Variants in RBFOX1 observed in about 807,000 individuals in gnomAD.
The protein encoded by RBFOX1 is RNA binding protein fox-1 homolog 1.
RBFOX1 carries 8 observed loss-of-function variants against 57.7 expected under a neutral mutation model. The ratio of observed to expected loss-of-function variants is 0.14; its 90% CI spans 0.08 to 0.25. The LOEUF (loss-of-function observed/expected upper bound fraction) is 0.25. Ranked by LOEUF, RBFOX1 falls within the 10% of genes least tolerant of loss-of-function variation. The pLI is 1.00. For missense variants in RBFOX1, 611 were observed against 548.5 expected, an observed-to-expected ratio of 1.11 and a Z score of -1.14; for synonymous variants, 326 against 222.4, an observed-to-expected ratio of 1.47 and a Z score of -4.15.
At chr16:6,688,493 T>C (rs2059763437) in intron 3 of RBFOX1, among the ~76,000 whole-genome samples, 1 of 152,128 alleles carries the variant, frequency 6.6e-6, no homozygotes, top group South Asian at 2.1e-4. Flanking sequence ...TTTCATTTTC[T>C]CCATATAAGA....
At chr16:6,778,014 T>G (rs1392468103) in intron 3 of RBFOX1, among the ~76,000 whole-genome samples, 1 of 152,120 alleles carries the variant, frequency 6.6e-6, no homozygotes, top group African/African-American at 2.4e-5. Context: ...ACATTTATGC[T>G]CCATGTGTGA....
intron 3 of RBFOX1, among the ~76,000 whole-genome samples, chr16:5,738,329 A>G (rs2052652576): frequency 6.6e-6 from 1 of 152,014 alleles, no homozygotes; most frequent in South Asian, 2.1e-4. Flanking sequence ...TTCTTTAAAA[A>G]GTAAATCTAA....
At chr16:6,860,688 C>T (rs528728474) in intron 3 of RBFOX1, among the ~76,000 whole-genome samples, 65 of 152,242 alleles carry the variant, frequency 4.3e-4, no homozygotes, top group African/African-American at 1.4e-3. Context: ...TAGCAAAAGT[C>T]ATGTCTGGTG....
intron 3 of RBFOX1, among the ~76,000 whole-genome samples, chr16:6,849,163 C>G (rs1300504100): frequency 3.3e-5 from 5 of 152,162 alleles, no homozygotes; most frequent in Non-Finnish European, 7.3e-5. Context: ...AACCAAGTAA[C>G]TTGCTGAACA....
chr16:7,520,419 A>T (rs985699754), intron 5 of RBFOX1, among the ~76,000 whole-genome samples: 3 of 151,378 alleles, frequency 2.0e-5, no homozygotes, highest in African/African-American at 7.3e-5. Flanking sequence ...CTAAGCAGAC[A>T]CTCCCCATTC....
chr16:7,346,924 TTA>T (rs1242550791), intron 4 of RBFOX1, among the ~76,000 whole-genome samples: 15 of 152,198 alleles, frequency 9.9e-5, no homozygotes, highest in African/African-American at 3.1e-4. Context: ...GGGGCAGCAT[TTA>T]TATGTTTACT....
chr16:6,458,965 C>T (rs1297333960), intron 2 of RBFOX1, among the ~76,000 whole-genome samples: 3 of 152,172 alleles, frequency 2.0e-5, no homozygotes, highest in Admixed American at 6.5e-5. Context: ...CCCACACTTC[C>T]CAGTAAGCAT....
intron 1 of RBFOX1, among the ~76,000 whole-genome samples, chr16:6,184,195 T>A (rs1173518706): frequency 6.6e-6 from 1 of 152,104 alleles, no homozygotes; most frequent in East Asian, 1.9e-4. Flanking sequence ...ATCCGGCTTC[T>A]CCCATAACAT....
intron 4 of RBFOX1, among the ~76,000 whole-genome samples, chr16:7,071,083 G>A (rs2057239464): frequency 6.6e-6 from 1 of 152,182 alleles, no homozygotes; most frequent in African/African-American, 2.4e-5. Flanking sequence ...CAAAGCCTGA[G>A]AAAGGAGGGT....
At chr16:6,694,167 C>T (rs866573754) in intron 3 of RBFOX1, among the ~76,000 whole-genome samples, 6 of 152,132 alleles carry the variant, frequency 3.9e-5, no homozygotes, top group African/African-American at 1.2e-4. Context: ...TGGAGTTTTC[C>T]TTGTTCCTGC....
chr16:6,892,555 T>TAG (rs2065716036), intron 3 of RBFOX1, among the ~76,000 whole-genome samples: 1 of 152,030 alleles, frequency 6.6e-6, no homozygotes, highest in African/African-American at 2.4e-5. Flanking sequence ...CTGTAATCTC[T>TAG]GCTACTCAGG....
chr16:7,389,159 T>C (rs932538757), intron 4 of RBFOX1, among the ~76,000 whole-genome samples: 1 of 152,202 alleles, frequency 6.6e-6, no homozygotes, highest in Non-Finnish European at 1.5e-5. Flanking sequence ...AGAGTCTCAC[T>C]GTGTCACCCA....
chr16:7,664,754 C>T, intron 12 of RBFOX1, 175 bp from the exon 13 acceptor site: 1 of 1,133,886 alleles, frequency 8.8e-7, no homozygotes, highest in Non-Finnish European at 1.2e-6. Context: ...GCCTAATTTT[C>T]TCGGTTTGCT....
intron 3 of RBFOX1, among the ~76,000 whole-genome samples, chr16:6,809,465 AC>A (rs2087851194): frequency 1.3e-5 from 2 of 152,320 alleles, no homozygotes; most frequent in Admixed American, 1.3e-4. Context: ...TACCTGAGAT[AC>A]AAAAATATTA....
intron 1 of RBFOX1, among the ~76,000 whole-genome samples, chr16:5,428,453 G>A (rs1177409510): frequency 6.6e-6 from 1 of 152,136 alleles, no homozygotes; most frequent in African/African-American, 2.4e-5. Flanking sequence ...CTAAACCCCT[G>A]GGGAATTGCA....
chr16:5,319,750 T>A (rs1171729184), intron 1 of RBFOX1, among the ~76,000 whole-genome samples: 1 of 152,220 alleles, frequency 6.6e-6, no homozygotes, highest in Non-Finnish European at 1.5e-5. Context: ...AATAGAAGTT[T>A]GTTGTCCACA....
chr16:7,218,981 C>G (rs2092501138), intron 4 of RBFOX1, among the ~76,000 whole-genome samples: 1 of 152,140 alleles, frequency 6.6e-6, no homozygotes, highest in African/African-American at 2.4e-5. Flanking sequence ...TTCCAAAAAA[C>G]TGCCTGTTAC....
At chr16:6,070,590 C>G (rs921183525) in intron 1 of RBFOX1, among the ~76,000 whole-genome samples, 1 of 152,140 alleles carries the variant, frequency 6.6e-6, no homozygotes, top group African/African-American at 2.4e-5. Context: ...CCCGAAGAAG[C>G]AGCTGGCTAT....
chr16:5,624,363 T>A (rs1036899437), intron 3 of RBFOX1, among the ~76,000 whole-genome samples: 5 of 152,176 alleles, frequency 3.3e-5, no homozygotes, highest in African/African-American at 1.2e-4. Context: ...CCCAACTAAT[T>A]TTTTTTCTTA....
Sources: gnomAD v4.1 joint callset for allele counts (sites outside exome capture counted in the v4.1 genomes callset) on GRCh38, gnomAD v4.1.1 for gene constraint, MANE v1.5 for transcripts, NCBI Gene and HGNC (gene_info 2026-07-23, HGNC 2026-07-21) for gene names.